IL1RL2: variants seen among roughly 807,000 people sequenced by gnomAD.
IL1RL2 encodes the protein interleukin 1 receptor like 2.
Under a neutral mutation model 66.8 loss-of-function variants are expected in IL1RL2, and 68 were observed. The ratio of observed to expected loss-of-function variants is 1.02; its 90% confidence interval spans 0.84 to 1.25. IL1RL2 has a LOEUF of 1.25. Among genes scored for constraint, IL1RL2 ranks in the 50% most tolerant of loss-of-function variants. The pLI is 0.00. For missense variants in IL1RL2, 729 were observed against 709.3 expected (o/e 1.03, Z -0.32); for synonymous variants, 305 against 264.6 (o/e 1.15, Z -1.48).
intron 9 of IL1RL2, among the ~76,000 whole-genome samples, chr2:102,227,651 G>A (rs561650855): frequency 3.3e-5 from 5 of 152,180 alleles, no homozygotes; most frequent in African/African-American, 1.2e-4. Context: ...TCCTGCTTGC[G>A]TCTTTGAGAA....
intron 2 of IL1RL2, among the ~76,000 whole-genome samples, chr2:102,188,386 C>T (rs1335063291): frequency 6.6e-6 from 1 of 151,890 alleles, no homozygotes; most frequent in Non-Finnish European, 1.5e-5. Context: ...AGATCTAGAC[C>T]ATCCTGGCTA....
chr2:102,232,873 G>A, intron 9 of IL1RL2, 90 bp from the exon 10 acceptor site: 1 of 1,456,718 alleles, frequency 6.9e-7, no homozygotes, highest in South Asian at 1.3e-5. Context: ...CAGGCCAAAG[G>A]ACACCATGGT....
Position 102,221,560 on chromosome 2 carries a change from C to T in IL1RL2, c.991+1543C>T, listed in dbSNP as rs1375828055. ...AATCTGGGGTCATTTTATGCCTTCC[C>T]TTATCCTCCCTCATGCCAACACCCA... On this transcript the variant is annotated intron_variant, in intron 8 of 11. Transcript: ENST00000264257. 5.9e-5 allele frequency among the ~76,000 whole-genome samples: 9 copies of T among 152,288 alleles called. No individual in the cohort carries two copies. In the East Asian group the frequency reaches 7.7e-4, roughly 13 times the overall value.
intron 9 of IL1RL2, among the ~76,000 whole-genome samples, chr2:102,230,196 G>A (rs1463256210): frequency 6.6e-6 from 1 of 152,114 alleles, no homozygotes; most frequent in South Asian, 2.1e-4. Context: ...TTTTAAGTGG[G>A]AAAATTGAAT....
downstream of IL1RL2, among the ~76,000 whole-genome samples, chr2:102,240,412 C>G (rs915423174): frequency 7.8e-6 from 1 of 128,494 alleles, no homozygotes; most frequent in African/African-American, 3.2e-5. Context: ...GCTTTTGTCA[C>G]CGAGGCTGGG....
intron 2 of IL1RL2, among the ~76,000 whole-genome samples, chr2:102,188,846 T>G (rs897121133): frequency 6.6e-6 from 1 of 151,042 alleles, no homozygotes; most frequent in African/African-American, 2.4e-5. Flanking sequence ...GATGGGGAGG[T>G]TTGTGAGGAG....
chr2:102,223,281 AT>A, intron 8 of IL1RL2, among the ~76,000 whole-genome samples: 1 of 152,260 alleles, frequency 6.6e-6, no homozygotes, highest in East Asian at 1.9e-4. Context: ...TAGCTTCTCC[AT>A]TTGACTTCCT....
At chr2:102,206,884 A>G (rs1322832166) in intron 5 of IL1RL2, among the ~76,000 whole-genome samples, 1 of 152,228 alleles carries the variant, frequency 6.6e-6, no homozygotes, top group Non-Finnish European at 1.5e-5. Context: ...GGAGTGAGGG[A>G]TTAGAGTAAA....
downstream of IL1RL2, among the ~76,000 whole-genome samples, chr2:102,240,361 C>CT (rs551743835): frequency 0.038 from 3,041 of 79,716 alleles, 424 homozygotes; most frequent in East Asian, 0.11. Flanking sequence ...TCTTCTCCTC[C>CT]TTTTTTTTTT....
At chr2:102,196,335 G>C (rs897370538) in intron 4 of IL1RL2, among the ~76,000 whole-genome samples, 2 of 152,162 alleles carry the variant, frequency 1.3e-5, no homozygotes, top group Admixed American at 1.3e-4. Context: ...GTGTAAGCAG[G>C]AGGGGTCACC....
At chr2:102,201,779 G>T (rs775618400) in intron 5 of IL1RL2, 64 bp downstream of exon 5, 2 of 1,531,244 alleles carry the variant, frequency 1.3e-6, no homozygotes, top group Non-Finnish European at 1.8e-6. Flanking sequence ...CTGGCTTCTG[G>T]CTTTGGGTTT....
intron 6 of IL1RL2, among the ~76,000 whole-genome samples, chr2:102,216,318 T>C (rs1034438994): frequency 6.6e-6 from 1 of 152,184 alleles, no homozygotes; most frequent in Admixed American, 6.5e-5. Flanking sequence ...TTGTCTCTTC[T>C]TATAATTTTT....
chr2:102,212,307 C>T (rs1238999287), intron 6 of IL1RL2, 133 bp downstream of exon 6: 4 of 627,650 alleles, frequency 6.4e-6, no homozygotes, highest in African/African-American at 3.7e-5. Context: ...TTTGGATATA[C>T]GTGAGCTCAT....
At chr2:102,234,290 G>A (rs1674640570) in intron 10 of IL1RL2, among the ~76,000 whole-genome samples, 1 of 152,158 alleles carries the variant, frequency 6.6e-6, no homozygotes, top group Non-Finnish European at 1.5e-5. Context: ...CAGCTAGTCT[G>A]GGGATACAGA....
chr2:102,229,425 A>G lies in IL1RL2; in HGVS notation c.1135+3384A>G, dbSNP rs893119229. ...TTCTCATTTTAGTCACAGCAAAAGG[A>G]GCGGTGGACCTGGGTTTACATCAAG... On this transcript the variant is annotated intron_variant, in intron 9 of 11. Coordinates refer to ENST00000264257, the MANE Select transcript of IL1RL2 (RefSeq NM_003854.4). Among the ~76,000 whole-genome samples the G allele has an allele frequency of 4.6e-5, 7 of 152,340 alleles. No homozygotes were observed. In the South Asian group the frequency reaches 1.5e-3, roughly 32 times the overall value.
At position 102,201,553 on chromosome 2, in the gene IL1RL2, T is replaced by G; in HGVS notation, c.490-3T>G. On this transcript the variant is annotated splice_polypyrimidine_tract_variant and splice_region_variant and intron_variant, in intron 4 of 11. Coordinates refer to ENST00000264257, the MANE Select transcript of IL1RL2 (RefSeq NM_003854.4). ...AATTGAATTTTGTTTTTATTTGTAT[T>G]AGGACTGTAACGAGATTAAAGGGGA... 3.7e-6 allele frequency: 6 copies of G among 1,613,824 alleles called. No homozygotes were observed. The highest frequency in any genetic ancestry group is 4.2e-6 in the Non-Finnish European group (5 of 1,179,776).
At chr2:102,198,027 A>G (rs778639999) in intron 4 of IL1RL2, among the ~76,000 whole-genome samples, 2 of 152,236 alleles carry the variant, frequency 1.3e-5, no homozygotes, top group Non-Finnish European at 2.9e-5. Context: ...CCTTTTCTGC[A>G]TAAAATATAG....
chr2:102,199,315 C>G (rs1282297709), intron 4 of IL1RL2, among the ~76,000 whole-genome samples: 8 of 152,208 alleles, frequency 5.3e-5, no homozygotes, highest in Non-Finnish European at 1.2e-4. Flanking sequence ...CAGAAAGCTT[C>G]TGATGCTCGT....
intron 9 of IL1RL2, among the ~76,000 whole-genome samples, chr2:102,231,087 C>T (rs994372325): frequency 7.9e-5 from 12 of 152,220 alleles, no homozygotes; most frequent in Admixed American, 2.6e-4. Context: ...CTCGAAATCG[C>T]GTTTTCCAAT....
Sources: allele counts gnomAD v4.1 joint callset (sites outside exome capture counted in the v4.1 genomes callset), GRCh38; gene constraint gnomAD v4.1.1; transcripts MANE v1.5; gene names NCBI Gene and HGNC (gene_info 2026-07-23, HGNC 2026-07-21).